The following NRXN3 variants were observed in gnomAD, a reference collection of about 807,000 sequenced individuals.
NRXN3 encodes neurexin III.
NRXN3 carries 32 observed loss-of-function variants against 137.6 expected under a neutral mutation model. The ratio of observed to expected loss-of-function variants is 0.23; its 90% CI spans 0.18 to 0.31. The LOEUF is 0.31. NRXN3 is among the 10% of genes least tolerant of loss of function. The probability of loss-of-function intolerance (pLI) is 1.00; values close to 1 mark genes in which losing one functional copy is unlikely to be tolerated. For missense variants in NRXN3, 1,574 were observed against 2,062.5 expected, an observed-to-expected ratio of 0.76 and a Z score of 4.59; for synonymous variants, 798 against 784.5, an observed-to-expected ratio of 1.02 and a Z score of -0.29.
intron 15 of NRXN3, among the ~76,000 whole-genome samples, chr14:79,235,428 A>G (rs2073193708): frequency 6.6e-6 from 1 of 152,204 alleles, no homozygotes; most frequent in Non-Finnish European, 1.5e-5. Flanking sequence ...TGTGTGGATT[A>G]AAGTCTGACC....
At chr14:78,561,982 A>G (rs34970436) in intron 4 of NRXN3, among the ~76,000 whole-genome samples, 3,184 of 152,282 alleles carry the variant, frequency 0.021, 57 homozygotes, top group Non-Finnish European at 0.031. Context: ...TTCCCATCCC[A>G]TGCACTCTTC....
intron 4 of NRXN3, among the ~76,000 whole-genome samples, chr14:78,451,237 A>G (rs1173943656): frequency 6.6e-6 from 1 of 152,218 alleles, no homozygotes; most frequent in Admixed American, 6.5e-5. Flanking sequence ...CCCAATTACA[A>G]CATACGGGAC....
chr14:78,288,061 C>A (rs151053953), intron 3 of NRXN3, among the ~76,000 whole-genome samples: 1,980 of 152,024 alleles, frequency 0.013, 31 homozygotes, highest in African/African-American at 0.044. Flanking sequence ...CTCACTGCAA[C>A]CTCTGCCTCC....
At chr14:79,164,507 A>G (rs1426391995) in intron 15 of NRXN3, among the ~76,000 whole-genome samples, 2 of 152,012 alleles carry the variant, frequency 1.3e-5, no homozygotes, top group Non-Finnish European at 2.9e-5. Context: ...CCATTGCAGA[A>G]TTATCATAAT....
At chr14:79,341,867 A>C (rs960063159) in intron 15 of NRXN3, among the ~76,000 whole-genome samples, 1 of 152,214 alleles carries the variant, frequency 6.6e-6, no homozygotes, top group Non-Finnish European at 1.5e-5. Flanking sequence ...AAAACAAAGC[A>C]AAAAGGGCAA....
chr14:78,640,704 G>C (rs187358968), intron 4 of NRXN3, among the ~76,000 whole-genome samples: 1 of 152,226 alleles, frequency 6.6e-6, no homozygotes, highest in East Asian at 1.9e-4. Flanking sequence ...TATACAAACT[G>C]ATTTAAAATC....
chr14:79,582,627 G>T (rs1454131490), intron 16 of NRXN3, among the ~76,000 whole-genome samples: 4 of 151,670 alleles, frequency 2.6e-5, no homozygotes, highest in Admixed American at 6.6e-5. Context: ...CACCATGTTG[G>T]CCAGGATGGT....
chr14:79,071,127 C>G (rs954399618), intron 15 of NRXN3, among the ~76,000 whole-genome samples: 1 of 150,494 alleles, frequency 6.6e-6, no homozygotes, highest in Non-Finnish European at 1.5e-5. Flanking sequence ...ATCAAATACC[C>G]CTAAGTATGT....
chr14:78,233,228 A>G (rs192219776), intron 1 of NRXN3, among the ~76,000 whole-genome samples: 15 of 152,298 alleles, frequency 9.8e-5, no homozygotes, highest in Middle Eastern at 3.4e-3. Context: ...AATTTATAGG[A>G]GAAGAATAAA....
intron 2 of NRXN3, among the ~76,000 whole-genome samples, chr14:78,246,921 C>T (rs1047806052): frequency 1.2e-4 from 19 of 152,202 alleles, no homozygotes; most frequent in South Asian, 4.1e-4. Context: ...TTATTCCCAG[C>T]GGGCAGAATG....
intron 16 of NRXN3, among the ~76,000 whole-genome samples, chr14:79,662,397 T>A (rs898299648): frequency 6.6e-6 from 1 of 152,264 alleles, no homozygotes; most frequent in South Asian, 2.1e-4. Context: ...ATTTATTTCA[T>A]GTCTCATTGT....
chr14:79,811,581 CTT>C (rs370942970), intron 20 of NRXN3, among the ~76,000 whole-genome samples: 72 of 116,600 alleles, frequency 6.2e-4, no homozygotes, highest in African/African-American at 2.1e-3. Flanking sequence ...TTTCTTTTTT[CTT>C]TTTTTTTTTT....
chr14:79,068,125 G>A (rs2099683091), intron 15 of NRXN3, among the ~76,000 whole-genome samples: 1 of 151,988 alleles, frequency 6.6e-6, no homozygotes, highest in Non-Finnish European at 1.5e-5. Flanking sequence ...AGTAAGCACT[G>A]TACTAGAGGT....
At chr14:78,563,926 A>T (rs1474528519) in intron 4 of NRXN3, among the ~76,000 whole-genome samples, 2 of 152,176 alleles carry the variant, frequency 1.3e-5, no homozygotes, top group Non-Finnish European at 2.9e-5. Flanking sequence ...ATTCTGTGAA[A>T]GTGGCTTTTG....
chr14:78,803,906 T>G, intron 9 of NRXN3, 83 bp downstream of exon 9: 1 of 1,350,688 alleles, frequency 7.4e-7, no homozygotes, highest in Non-Finnish European at 1.0e-6. Context: ...GATTGAATTC[T>G]TTGTTTGTTT....
intron 10 of NRXN3, among the ~76,000 whole-genome samples, chr14:78,834,661 G>A (rs967577606): frequency 5.3e-5 from 8 of 151,958 alleles, no homozygotes; most frequent in Non-Finnish European, 1.0e-4. Context: ...GGATACTCAG[G>A]TACAAGGAGG....
intron 15 of NRXN3, among the ~76,000 whole-genome samples, chr14:79,271,281 C>T (rs1261436804): frequency 6.6e-6 from 1 of 152,054 alleles, no homozygotes; most frequent in Admixed American, 6.5e-5. Context: ...AAAATATGGT[C>T]TTTATTTGAC....
chr14:78,778,441 G>T (rs1005474461), intron 8 of NRXN3, among the ~76,000 whole-genome samples: 17 of 152,046 alleles, frequency 1.1e-4, no homozygotes, highest in Non-Finnish European at 2.2e-4. Flanking sequence ...TACAATTATT[G>T]GTCAGATGCA....
At chr14:78,642,445 T>A (rs939484643) in intron 4 of NRXN3, among the ~76,000 whole-genome samples, 2 of 152,260 alleles carry the variant, frequency 1.3e-5, no homozygotes, top group Non-Finnish European at 2.9e-5. Context: ...GTCAAACTTT[T>A]CCCCTTTGAA....
Sources: gnomAD v4.1 joint callset for allele counts (sites outside exome capture counted in the v4.1 genomes callset) on GRCh38, gnomAD v4.1.1 for gene constraint, MANE v1.5 for transcripts, NCBI Gene and HGNC (gene_info 2026-07-23, HGNC 2026-07-21) for gene names.